The following DISC1 variants were observed in gnomAD, a reference collection of about 807,000 sequenced individuals.
The protein encoded by DISC1 is disrupted in schizophrenia 1 protein.
In DISC1, 57 loss-of-function variants were observed where a neutral mutation model predicts 84.5. The observed-to-expected ratio is 0.67, with a 90% confidence interval of 0.55 to 0.84. The LOEUF is 0.84. Among genes scored for constraint, DISC1 ranks in the 40% least tolerant of loss-of-function variants. The probability of loss-of-function intolerance (pLI) is 0.00; values close to 1 mark genes in which losing one functional copy is unlikely to be tolerated. For synonymous variants in DISC1, 411 were observed against 415.2 expected (o/e 0.99, Z 0.12); for missense variants, 1,000 against 1,057.8 (o/e 0.95, Z 0.76).
intron 10 of DISC1, among the ~76,000 whole-genome samples, chr1:231,990,168 A>G (rs1463768894): frequency 3.3e-5 from 5 of 152,106 alleles, no homozygotes; most frequent in African/African-American, 1.2e-4. Flanking sequence ...GATATTTCTT[A>G]GTATTGTCTG....
chr1:231,653,269 G>A (rs2060786397), intron 1 of DISC1, among the ~76,000 whole-genome samples: 1 of 152,152 alleles, frequency 6.6e-6, no homozygotes, highest in Non-Finnish European at 1.5e-5. Context: ...TTCTCCTTAT[G>A]TAAAGTTTAG....
At chr1:231,938,393 T>G (rs569996527) in intron 9 of DISC1, among the ~76,000 whole-genome samples, 10 of 152,064 alleles carry the variant, frequency 6.6e-5, no homozygotes, top group Non-Finnish European at 1.3e-4. Flanking sequence ...ACTGCAGGCT[T>G]TGGAGGTGAA....
intron 1 of DISC1, among the ~76,000 whole-genome samples, chr1:231,627,322 C>A (rs1468253245): frequency 1.3e-5 from 2 of 152,216 alleles, no homozygotes; most frequent in Non-Finnish European, 2.9e-5. Context: ...ACTCTCGTTG[C>A]GGTGCGCCCC....
intron 1 of DISC1, among the ~76,000 whole-genome samples, chr1:231,684,481 A>C (rs778485229): frequency 6.6e-5 from 10 of 152,202 alleles, no homozygotes; most frequent in Admixed American, 6.5e-5. Context: ...ATATAATTGC[A>C]TGCATTTTTT....
chr1:231,654,309 TTC>T (rs2125313224), intron 1 of DISC1, among the ~76,000 whole-genome samples: 1 of 146,266 alleles, frequency 6.8e-6, no homozygotes, highest in South Asian at 2.2e-4. Flanking sequence ...TTTGATAGGA[TTC>T]TGTTTTTTTT....
At chr1:231,806,123 T>A (rs2079686354) in intron 8 of DISC1, among the ~76,000 whole-genome samples, 1 of 152,198 alleles carries the variant, frequency 6.6e-6, no homozygotes, top group South Asian at 2.1e-4. Context: ...CATCAGTATA[T>A]TAATACATGA....
At chr1:231,844,265 A>G (rs2083288619) in intron 9 of DISC1, among the ~76,000 whole-genome samples, 1 of 152,140 alleles carries the variant, frequency 6.6e-6, no homozygotes, top group Non-Finnish European at 1.5e-5. Flanking sequence ...AGATTTGATA[A>G]TTTGCTAGAG....
chr1:232,019,649 A>G (rs995544915), intron 11 of DISC1, among the ~76,000 whole-genome samples: 4 of 152,168 alleles, frequency 2.6e-5, no homozygotes, highest in Admixed American at 6.5e-5. Context: ...AGTGTGTGAA[A>G]TTGTGGACAT....
chr1:231,974,990 C>T (rs1662580267), intron 10 of DISC1, among the ~76,000 whole-genome samples: 1 of 152,068 alleles, frequency 6.6e-6, no homozygotes, highest in Non-Finnish European at 1.5e-5. Context: ...GTCCCAGCTA[C>T]TCGGGAGGCT....
At chr1:231,735,602 G>T (rs1377293616) in intron 3 of DISC1, among the ~76,000 whole-genome samples, 1 of 152,202 alleles carries the variant, frequency 6.6e-6, no homozygotes, top group Non-Finnish European at 1.5e-5. Flanking sequence ...CCACATAACT[G>T]TGTGACTAAT....
At chr1:231,973,731 A>C (rs985476960) in intron 10 of DISC1, among the ~76,000 whole-genome samples, 11 of 152,200 alleles carry the variant, frequency 7.2e-5, no homozygotes, top group African/African-American at 2.7e-4. Context: ...TGGAGCTAGC[A>C]TTTTTTTAAA....
At chr1:232,007,019 G>A (rs895396585) in intron 10 of DISC1, among the ~76,000 whole-genome samples, 1 of 152,216 alleles carries the variant, frequency 6.6e-6, no homozygotes, top group East Asian at 1.9e-4. Context: ...CTTACATGTG[G>A]TGTTGGACCT....
intron 9 of DISC1, among the ~76,000 whole-genome samples, chr1:231,881,263 CG>C (rs1296653163): frequency 6.6e-5 from 10 of 152,116 alleles, no homozygotes; most frequent in African/African-American, 2.4e-4. Flanking sequence ...GACCACAAAC[CG>C]GGTGGCTTAA....
intron 6 of DISC1, chr1:231,774,590 C>G: frequency 2.4e-6 from 1 of 417,512 alleles, no homozygotes; most frequent in South Asian, 1.7e-5. Context: ...GCAGTGTGGG[C>G]TGTGTAGGTG....
intron 1 of DISC1, among the ~76,000 whole-genome samples, chr1:231,678,229 A>G (rs1572777949): frequency 6.6e-6 from 1 of 152,074 alleles, no homozygotes; most frequent in East Asian, 1.9e-4. Flanking sequence ...GACTGTTAAC[A>G]GAGGGGGATG....
At chr1:231,961,328 A>G (rs1475231566) in intron 10 of DISC1, among the ~76,000 whole-genome samples, 1 of 152,202 alleles carries the variant, frequency 6.6e-6, no homozygotes, top group Non-Finnish European at 1.5e-5. Flanking sequence ...ATGAGGGTCT[A>G]TGACCTACAG....
chr1:231,856,542 T>C (rs999569268), intron 9 of DISC1, among the ~76,000 whole-genome samples: 18 of 152,210 alleles, frequency 1.2e-4, no homozygotes, highest in African/African-American at 4.1e-4. Flanking sequence ...ATGTCCCTGC[T>C]CCAGGGTAAT....
At chr1:231,631,822 T>C (rs1423159085) in intron 1 of DISC1, among the ~76,000 whole-genome samples, 1 of 152,060 alleles carries the variant, frequency 6.6e-6, no homozygotes, top group Non-Finnish European at 1.5e-5. Context: ...AGAAAAAAAT[T>C]TAAATGAATT....
At chr1:231,755,167 A>G (rs933929708) in intron 4 of DISC1, among the ~76,000 whole-genome samples, 3 of 151,522 alleles carry the variant, frequency 2.0e-5, no homozygotes, top group Non-Finnish European at 2.9e-5. Context: ...ATTTCTGGCC[A>G]TTCTTCTTAA....
Sources: allele counts gnomAD v4.1 joint callset (sites outside exome capture counted in the v4.1 genomes callset), GRCh38; gene constraint gnomAD v4.1.1; transcripts MANE v1.5; gene names NCBI Gene and HGNC (gene_info 2026-07-23, HGNC 2026-07-21).